Variants in PDE4D observed in about 807,000 individuals in gnomAD.
The protein encoded by PDE4D is phosphodiesterase 4D.
In PDE4D, 24 loss-of-function variants were observed where a neutral mutation model predicts 87.4. The observed-to-expected ratio is 0.27, with a 90% CI of 0.20 to 0.39. The LOEUF is 0.39. Ranked by LOEUF, PDE4D falls within the 10% of genes least tolerant of loss-of-function variation. The probability of loss-of-function intolerance (pLI) is 1.00; values close to 1 mark genes in which losing one functional copy is unlikely to be tolerated. For synonymous variants in PDE4D, 384 were observed against 383.2 expected (o/e 1.00, Z -0.02); for missense variants, 714 against 1,041.0 (o/e 0.69, Z 4.32).
At chr5:59,771,544 AAGAAAG>A (rs1204869210) in intron 1 of PDE4D, among the ~76,000 whole-genome samples, 3 of 149,200 alleles carry the variant, frequency 2.0e-5, no homozygotes, top group African/African-American at 7.7e-5. Context: ...GAAAGAAAGA[AAGAAAG>A]AAAAGAAAGA....
intron 6 of PDE4D, among the ~76,000 whole-genome samples, chr5:59,025,704 A>G (rs796643205): frequency 2.0e-5 from 3 of 152,376 alleles, no homozygotes; most frequent in African/African-American, 7.2e-5. Flanking sequence ...CCAAAACACT[A>G]CTGTTTATAC....
chr5:60,155,668 T>TAATA (rs1387041808), intron 2 of PDE4D, among the ~76,000 whole-genome samples: 1 of 152,186 alleles, frequency 6.6e-6, no homozygotes, highest in Non-Finnish European at 1.5e-5. Context: ...AACCTTGACT[T>TAATA]AATAAATAAA....
chr5:59,194,143 T>C (rs181556736), intron 2 of PDE4D, among the ~76,000 whole-genome samples: 4 of 152,220 alleles, frequency 2.6e-5, no homozygotes, highest in South Asian at 4.1e-4. Context: ...ACACCGTGCC[T>C]GGGGTATGGG....
intron 5 of PDE4D, among the ~76,000 whole-genome samples, chr5:59,070,976 G>C (rs1288350846): frequency 6.6e-6 from 1 of 152,108 alleles, no homozygotes; most frequent in Non-Finnish European, 1.5e-5. Context: ...TGGTGAGCAC[G>C]TTTTCCAGTA....
chr5:59,560,937 G>T (rs1467593974), intron 1 of PDE4D: 3 of 152,126 alleles, frequency 2.0e-5, no homozygotes, highest in Non-Finnish European at 4.4e-5. Context: ...CAATCAAAAA[G>T]ATATTTAAAA....
chr5:59,721,975 C>A (rs996415870), intron 1 of PDE4D, among the ~76,000 whole-genome samples: 4 of 152,108 alleles, frequency 2.6e-5, no homozygotes, highest in African/African-American at 9.7e-5. Context: ...ACAAGCCCAG[C>A]CTTTTGACAG....
At chr5:60,341,381 C>T (rs564867774) in intron 1 of PDE4D, among the ~76,000 whole-genome samples, 131 of 152,234 alleles carry the variant, frequency 8.6e-4, no homozygotes, top group Admixed American at 6.5e-4. Flanking sequence ...GTGACCATGC[C>T]CTTTCACAGA....
intron 1 of PDE4D, among the ~76,000 whole-genome samples, chr5:59,442,112 G>A (rs772222903): frequency 6.6e-6 from 1 of 152,128 alleles, no homozygotes; most frequent in Non-Finnish European, 1.5e-5. Flanking sequence ...GTGTAAAGTG[G>A]GAAATGCAAA....
intron 1 of PDE4D, among the ~76,000 whole-genome samples, chr5:59,335,239 A>G (rs1777459829): frequency 6.6e-6 from 1 of 152,180 alleles, no homozygotes; most frequent in Non-Finnish European, 1.5e-5. Context: ...TGCTCAATAA[A>G]TACTAGTAGT....
intron 1 of PDE4D, among the ~76,000 whole-genome samples, chr5:60,283,170 A>T (rs1170077509): frequency 6.6e-6 from 1 of 151,444 alleles, no homozygotes; most frequent in Non-Finnish European, 1.5e-5. Flanking sequence ...TATTATCTCC[A>T]TCTTATACCC....
Position 59,992,464 on chromosome 5 carries a change from C to A in PDE4D, c.43-3747G>T, listed in dbSNP as rs978537690. Among the ~76,000 whole-genome samples, 11 of 152,258 alleles carry A rather than the reference C, an allele frequency of 7.2e-5. No individual in the cohort carries two copies. The South Asian group carries it at 1.2e-3, about 17-fold the overall frequency. ...CTATTAGTTCTGTCCCTCTAGAGAA[C>A]CCTGACTAATACATGTGTAAATACT... On this transcript the variant is annotated intron_variant, in intron 2 of 16. Coordinates refer to the PDE4D transcript ENST00000502484.
At chr5:59,356,732 T>C (rs746481549) in intron 1 of PDE4D, 1 of 1,558,682 alleles carries the variant, frequency 6.4e-7, no homozygotes, top group African/African-American at 1.4e-5. Context: ...CAATTCTTCC[T>C]AGCTACAAAA....
intron 1 of PDE4D, among the ~76,000 whole-genome samples, chr5:59,875,237 G>A (rs1044007643): frequency 5.9e-5 from 9 of 151,802 alleles, no homozygotes; most frequent in East Asian, 1.9e-4. Flanking sequence ...CGAGGCGGGC[G>A]GATCACGAGG....
chr5:59,888,504 G>C (rs930976808), intron 1 of PDE4D, among the ~76,000 whole-genome samples: 1 of 152,182 alleles, frequency 6.6e-6, no homozygotes, highest in African/African-American at 2.4e-5. Flanking sequence ...GTCTAATACT[G>C]TGTTACTGTG....
At chr5:60,458,198 A>G (rs1746625468) in intron 1 of PDE4D, among the ~76,000 whole-genome samples, 1 of 152,098 alleles carries the variant, frequency 6.6e-6, no homozygotes, top group Admixed American at 6.6e-5. Flanking sequence ...CAGCCTGGCC[A>G]ACACAGTGAA....
chr5:60,119,523 T>C (rs1159751816), intron 2 of PDE4D, among the ~76,000 whole-genome samples: 1 of 152,234 alleles, frequency 6.6e-6, no homozygotes, highest in Non-Finnish European at 1.5e-5. Flanking sequence ...GGTTGTCCTC[T>C]GGAATTAGAT....
intron 2 of PDE4D, among the ~76,000 whole-genome samples, chr5:60,154,836 T>A (rs1017313037): frequency 6.6e-6 from 1 of 152,230 alleles, no homozygotes; most frequent in Non-Finnish European, 1.5e-5. Flanking sequence ...TCATATAGTA[T>A]GCATTCTTTT....
intron 2 of PDE4D, among the ~76,000 whole-genome samples, chr5:60,085,428 G>A (rs1354394309): frequency 6.6e-6 from 1 of 152,150 alleles, no homozygotes; most frequent in Non-Finnish European, 1.5e-5. Context: ...GGCATAGCCA[G>A]TCTTATTTTC....
At chr5:59,931,082 A>T (rs1755859752) in intron 3 of PDE4D, among the ~76,000 whole-genome samples, 2 of 152,190 alleles carry the variant, frequency 1.3e-5, no homozygotes, top group Admixed American at 1.3e-4. Context: ...TTATTTTACT[A>T]TTTATGAATT....
Sources: gnomAD v4.1 joint callset for allele counts (sites outside exome capture counted in the v4.1 genomes callset) on GRCh38, gnomAD v4.1.1 for gene constraint, MANE v1.5 for transcripts, NCBI Gene and HGNC (gene_info 2026-07-23, HGNC 2026-07-21) for gene names.